Variants in ARMCX4 observed in about 807,000 individuals in gnomAD.
ARMCX4 encodes the protein armadillo repeat containing X-linked 4.
A neutral mutation model predicts 34.7 loss-of-function variants in ARMCX4; 3 were observed. The observed-to-expected ratio is 0.09, with a 90% confidence interval of 0.04 to 0.22. ARMCX4 has a LOEUF of 0.22. ARMCX4 is among the 10% of genes least tolerant of loss of function. The pLI, the probability that ARMCX4 is intolerant of heterozygous loss-of-function variation, is 1.00. For synonymous variants in ARMCX4, 513 were observed against 632.8 expected (o/e 0.81, Z 2.84); for missense variants, 1,448 against 1,720.8 (o/e 0.84, Z 2.81).
At chrX:101,439,172 A>G (rs1306855832) in intron 2 of ARMCX4, among the ~76,000 whole-genome samples, 1 of 111,713 alleles carries the variant, frequency 9.0e-6, no homozygotes, top group Non-Finnish European at 1.9e-5. Flanking sequence ...CCTAGTGGTG[A>G]CAGAATCTCT....
Position 101,488,597 on chromosome X carries a change from G to T in ARMCX4, c.8G>T (p.Arg3Leu). MG[R>L]IQEVGWVTAG... ...TTTAGCAGGGGTGATTACATGGGCC[G>T]CATTCAGGAAGTGGGCTGGGTGACT... Residue 3 changes from arginine to leucine, a missense_variant, in exon 6 of 6, where the codon CGC (arginine) becomes CTC (leucine). Physicochemically the swap from Arg to Leu is moderately radical, Grantham distance 102. Around this residue, in one of 2 missense-constraint regions of ARMCX4, gnomAD observed 1,343 missense variants for 1,540.7 expected, o/e 0.87. Transcript: ENST00000423738. The T allele has an allele frequency of 1.7e-6, 2 of 1,155,899 alleles. No homozygotes were observed. Among genetic ancestry groups the T allele is most frequent in the South Asian group, 3.8e-5 (2 of 52,741 alleles).
chrX:101,470,217 C>T (rs1023653380), intron 4 of ARMCX4, among the ~76,000 whole-genome samples: 4 of 112,705 alleles, frequency 3.5e-5, no homozygotes, highest in Admixed American at 9.4e-5. Flanking sequence ...TTTATCACCA[C>T]GGATTAGTTT....
At chrX:101,525,890 C>A (rs1367653446) in intron 11 of ARMCX4, among the ~76,000 whole-genome samples, 2 of 111,612 alleles carry the variant, frequency 1.8e-5, no homozygotes, top group Non-Finnish European at 3.8e-5. Context: ...GAGAATGGAA[C>A]CAAGTTCGAA....
intron 2 of ARMCX4, among the ~76,000 whole-genome samples, chrX:101,433,280 GTACACA>G (rs1449854710): frequency 4.1e-5 from 4 of 97,983 alleles, no homozygotes; most frequent in Non-Finnish European, 8.4e-5. Flanking sequence ...ACACATGTAC[GTACACA>G]TATACATATA....
downstream of ARMCX4, among the ~76,000 whole-genome samples, chrX:101,497,181 A>G (rs782485320): frequency 6.3e-5 from 7 of 111,602 alleles, no homozygotes; most frequent in East Asian, 2.0e-3. Context: ...GAGAATATTA[A>G]TAGTTTTCTG....
Position 101,491,990 on chromosome X carries a change from A to G in ARMCX4, c.3401A>G (p.Asn1134Ser), listed in dbSNP as rs373390804. ...AGCGTGTCCTGGGCTGATGATGAGA[A>G]TGAAGCCAGTATTGGGTCCTGGAGT... ...ENSVSWADDE[N>S]EASIGSWSGA... The change falls in exon 6 of 6, where the codon AAT becomes AGT. Residue 1134 changes from asparagine to serine, a missense_variant. By Grantham distance (46) the Asn-to-Ser change is conservative. Around this residue, in one of 2 missense-constraint regions of ARMCX4, gnomAD observed 1,343 missense variants for 1,540.7 expected, o/e 0.87. Transcript: ENST00000423738. The G allele has an allele frequency of 1.7e-6, 2 of 1,154,104 alleles. No individual in the cohort carries two copies. Among genetic ancestry groups the G allele is most frequent in the South Asian group, 1.9e-5 (1 of 52,706 alleles).
In ARMCX4 at chrX:101,493,991, C is replaced by T. The variant is rs1556010688; in HGVS notation, c.5402C>T (p.Ala1801Val). 1.0e-6 allele frequency: 1 copy of T among 969,674 alleles called. No homozygotes were observed. Among genetic ancestry groups the T allele is most frequent in the East Asian group, 5.6e-5 (1 of 17,890 alleles). 79.9% of individuals were successfully genotyped at this position (969,674 alleles called of 1,213,427 possible). The change falls in exon 6 of 6, where the codon GCT becomes GTT. Residue 1801 changes from alanine to valine, a missense_variant. Around this residue, in one of 2 missense-constraint regions of ARMCX4, gnomAD observed 1,343 missense variants for 1,540.7 expected, o/e 0.87. Coordinates refer to ENST00000423738, the MANE Select transcript of ARMCX4 (RefSeq NM_001256155.3). ...TCCTGGATTAGATCTGAGGAGGTGG[C>T]TTATATGGGCTCCTGTGTAGGGGCT... ...SGSWIRSEEV[A>V]YMGSCVGAEA...
At chrX:101,449,185 C>T (rs1343603062), downstream of ARMCX4, among the ~76,000 whole-genome samples, 5 of 112,060 alleles carry the variant, frequency 4.5e-5, no homozygotes, top group African/African-American at 9.7e-5. Context: ...GGATTACAGG[C>T]GTGAGCCACC....
downstream of ARMCX4, among the ~76,000 whole-genome samples, chrX:101,452,014 T>A (rs1343666390): frequency 8.9e-6 from 1 of 112,156 alleles, no homozygotes; most frequent in Non-Finnish European, 1.9e-5. Context: ...TGTCTTTCTA[T>A]GGAAGCCTTA....
At chrX:101,471,063 T>C (rs1169895190) in intron 4 of ARMCX4, among the ~76,000 whole-genome samples, 2 of 112,382 alleles carry the variant, frequency 1.8e-5, no homozygotes, top group African/African-American at 6.5e-5. Flanking sequence ...TGCATTTCTC[T>C]GATTACTGAA....
chrX:101,429,823 C>CT (rs1341249111), intron 2 of ARMCX4, among the ~76,000 whole-genome samples: 1 of 111,682 alleles, frequency 9.0e-6, no homozygotes, highest in African/African-American at 3.3e-5. Context: ...AGTATAACAA[C>CT]TAGGGAGAGG....
chrX:101,498,037 G>C, downstream of ARMCX4: 1 of 266,955 alleles, frequency 3.7e-6, no homozygotes, highest in Admixed American at 4.2e-5. Context: ...CCCCTACCTG[G>C]GGGTATTTCA....
intron 4 of ARMCX4, among the ~76,000 whole-genome samples, chrX:101,480,427 G>A (rs192133939): frequency 7.1e-4 from 79 of 110,868 alleles, no homozygotes; most frequent in African/African-American, 2.4e-3. Flanking sequence ...TTAGCTGGGC[G>A]TGGTGCCATG....
At chrX:101,514,654 G>A (rs1934667544) in intron 11 of ARMCX4, among the ~76,000 whole-genome samples, 1 of 111,776 alleles carries the variant, frequency 8.9e-6, no homozygotes, top group Non-Finnish European at 1.9e-5. Context: ...ACCAGGGAAG[G>A]CAAATCCATA....
chrX:101,421,067 G>C (rs1232488800), intron 2 of ARMCX4, among the ~76,000 whole-genome samples: 1 of 109,620 alleles, frequency 9.1e-6, no homozygotes. Context: ...GCCGGGCATG[G>C]TGGTGCATGC....
chrX:101,438,894 A>G (rs1182996536), intron 2 of ARMCX4, among the ~76,000 whole-genome samples: 3 of 111,608 alleles, frequency 2.7e-5, no homozygotes, highest in Non-Finnish European at 3.8e-5. Flanking sequence ...TCCTGAATAC[A>G]GCACACTAAT....
intron 4 of ARMCX4, among the ~76,000 whole-genome samples, chrX:101,466,498 T>C (rs1160621852): frequency 8.9e-6 from 1 of 112,076 alleles, no homozygotes; most frequent in African/African-American, 3.2e-5. Context: ...GTCCATCATC[T>C]GGTGAATAAA....
chrX:101,440,707 G>T (rs1320918179), intron 2 of ARMCX4, among the ~76,000 whole-genome samples: 1 of 111,537 alleles, frequency 9.0e-6, no homozygotes, highest in Non-Finnish European at 1.9e-5. Flanking sequence ...CTGCCACCTT[G>T]CAGTTTGATC....
rs2147673994 is a variant in ARMCX4, at chrX:101,493,163, G to A, written c.4574G>A (p.Gly1525Glu). ...CAGACGAATGGAGGGTCTTGGGGTGGGGCTAGTGGCCAGGATGTTGGAGGG... is the reference window on the plus strand; with the variant it reads ...CAGACGAATGGAGGGTCTTGGGGTGAGGCTAGTGGCCAGGATGTTGGAGGG... ...GSQTNGGSWGGASGQDVGGSR... is the reference protein window; with the variant it reads ...GSQTNGGSWGEASGQDVGGSR... Residue 1525 changes from glycine to glutamate, a missense_variant, in exon 6 of 6, where the codon GGG becomes GAG. By Grantham distance (98) the Gly-to-Glu change is moderately conservative. This residue lies in a region of ARMCX4 where 1,343 missense variants were observed against 1,540.7 expected (regional missense o/e 0.87). Transcript: ENST00000423738. 8.7e-7 allele frequency: 1 copy of A among 1,153,099 alleles called. No homozygotes were observed. The highest frequency in any genetic ancestry group is 1.8e-5 in the African/African-American group (1 of 55,321).
Sources: allele counts gnomAD v4.1 joint callset (sites outside exome capture counted in the v4.1 genomes callset), GRCh38; gene constraint gnomAD v4.1.1; regional missense constraint gnomAD v4.1.1; transcripts MANE v1.5; gene names NCBI Gene and HGNC (gene_info 2026-07-23, HGNC 2026-07-21).